UBP1: variants seen among roughly 807,000 people sequenced by gnomAD.
UBP1 encodes the protein upstream binding protein 1, also known as upstream-binding protein 1.
UBP1 carries 22 observed loss-of-function variants against 76.1 expected under a neutral mutation model. The ratio of observed to expected loss-of-function variants is 0.29; its 90% CI spans 0.21 to 0.41. The LOEUF (loss-of-function observed/expected upper bound fraction) is 0.41. Among genes scored for constraint, UBP1 ranks in the 10% least tolerant of loss-of-function variants. The probability of loss-of-function intolerance (pLI) is 1.00; values close to 1 mark genes in which losing one functional copy is unlikely to be tolerated. For missense variants in UBP1, 436 were observed against 668.1 expected (o/e 0.65, Z 3.83); for synonymous variants, 224 against 237.1 (o/e 0.94, Z 0.51).
chr3:33,393,352 C>G lies in UBP1; in HGVS notation c.1493G>C (p.Arg498Thr). Residue 498 changes from arginine (R) to threonine (T), a missense_variant, in exon 14 of 16, where the codon AGA becomes ACA. Arg to Thr is a moderately conservative substitution (Grantham distance 71). Transcript: ENST00000283629. ...AATGTGAATACCGGTGGGACCCTGTCTGTAAACCTGATTAATTTGGTGGAG... is the reference window on the plus strand; with the variant it reads ...AATGTGAATACCGGTGGGACCCTGTGTGTAAACCTGATTAATTTGGTGGAG... ...IPLHQINQVYRQGPTGIHILV... is the reference protein window; with the variant it reads ...IPLHQINQVYTQGPTGIHILV... The G allele has an allele frequency of 6.2e-7, 1 of 1,612,770 alleles. No individual in the cohort carries two copies. Among genetic ancestry groups the G allele is most frequent in the Non-Finnish European group, 8.5e-7 (1 of 1,179,446 alleles).
intron 8 of UBP1, among the ~76,000 whole-genome samples, chr3:33,408,175 A>G (rs1262950931): frequency 3.9e-5 from 6 of 152,048 alleles, no homozygotes; most frequent in Non-Finnish European, 8.8e-5. Context: ...ACAGACACAC[A>G]TTTTTATACT....
intron 11 of UBP1, chr3:33,398,419 C>T (rs1057005971): frequency 2.0e-5 from 3 of 152,258 alleles, no homozygotes; most frequent in South Asian, 2.1e-4. Context: ...GGGCTTACTA[C>T]ATGCACCTCA....
chr3:33,429,353 A>AC (rs796216204), intron 1 of UBP1, among the ~76,000 whole-genome samples: 1 of 145,464 alleles, frequency 6.9e-6, no homozygotes, highest in Non-Finnish European at 1.5e-5. Context: ...GTGTTTCTTT[A>AC]TTTTTTTTTT....
At chr3:33,420,776 C>G (rs925735874) in intron 2 of UBP1, among the ~76,000 whole-genome samples, 2 of 152,148 alleles carry the variant, frequency 1.3e-5, no homozygotes, top group African/African-American at 4.8e-5. Flanking sequence ...CGTGAGCCAC[C>G]ATGCCCAGCC....
At chr3:33,435,658 C>A (rs2045192644) in intron 1 of UBP1, among the ~76,000 whole-genome samples, 1 of 152,132 alleles carries the variant, frequency 6.6e-6, no homozygotes, top group Non-Finnish European at 1.5e-5. Context: ...TTTCATGCAC[C>A]TAACCTACTG....
At chr3:33,396,072 A>G (rs1223320233) in intron 13 of UBP1, 90 bp downstream of exon 13, 7 of 1,207,980 alleles carry the variant, frequency 5.8e-6, no homozygotes, top group Non-Finnish European at 8.0e-6. Context: ...TAACACAGCA[A>G]GAGTTCTCCA....
intron 1 of UBP1, among the ~76,000 whole-genome samples, chr3:33,437,522 C>A (rs989050474): frequency 6.6e-6 from 1 of 152,220 alleles, no homozygotes; most frequent in African/African-American, 2.4e-5. Context: ...AGAAATACCT[C>A]TTGTTTTAAG....
rs1405310119 is a variant in UBP1, at chr3:33,402,900, G to A, written c.932C>T (p.Ser311Phe). 1 of 1,606,782 alleles carries A rather than the reference G, an allele frequency of 6.2e-7. No individual in the cohort carries two copies. Among genetic ancestry groups the A allele is most frequent in the Admixed American group, 1.7e-5 (1 of 58,888 alleles). ...GGCTGTGGGGGCATCGGGCCACGGA[G>A]AACACTAAGGACAGAAACAGAAATA... The part of the protein sequence containing the change: ...GDSLAKRGSC[S>F]PWPDAPTAYV... Residue 311 changes from serine to phenylalanine, a missense_variant, in exon 9 of 16, where the codon TCT becomes TTT. Coordinates refer to ENST00000283629, the MANE Select transcript of UBP1 (RefSeq NM_014517.5).
chr3:33,411,268 A>G (rs186192128), intron 5 of UBP1, among the ~76,000 whole-genome samples: 2 of 152,252 alleles, frequency 1.3e-5, no homozygotes, highest in African/African-American at 2.4e-5. Context: ...TCTTTTTTCA[A>G]TCGTATCCTT....
chr3:33,401,039 G>A lies in UBP1; in HGVS notation c.1032-23C>T, dbSNP rs770087396. 1.9e-6 allele frequency: 3 copies of A among 1,578,876 alleles called. No individual in the cohort carries two copies. In the South Asian group the frequency reaches 3.5e-5, roughly 19 times the overall value. On this transcript the variant is annotated intron_variant, in intron 9 of 15. Coordinates refer to ENST00000283629, the MANE Select transcript of UBP1 (RefSeq NM_014517.5). ...TTGCTGGGGAGAAAGGAGAAAGAAG[G>A]AAATGATGATTTTTATAATACATAT...
At chr3:33,411,072 CAAAAAAAA>C (rs893694272) in intron 5 of UBP1, among the ~76,000 whole-genome samples, 1 of 65,556 alleles carries the variant, frequency 1.5e-5, no homozygotes, top group Admixed American at 1.6e-4. Flanking sequence ...AACTCCATCT[CAAAAAAAA>C]AAAAAAAAAA....
chr3:33,433,225 T>A lies in UBP1; in HGVS notation c.113+6511A>T, dbSNP rs912378635. Among the ~76,000 whole-genome samples, 4 of 151,252 alleles carry A rather than the reference T, an allele frequency of 2.6e-5. No homozygotes were observed. In the East Asian group the frequency reaches 8.0e-4, roughly 30 times the overall value. On this transcript the variant is annotated intron_variant, in intron 1 of 15. Coordinates refer to ENST00000283629, the MANE Select transcript of UBP1 (RefSeq NM_014517.5). ...ACAGGTACATGCCACCATGCCTGGC[T>A]GATTTTTGTATTCTTAGTAGAGACG...
At chr3:33,396,569 T>A (rs745410259) in intron 12 of UBP1, 4 of 419,154 alleles carry the variant, frequency 9.5e-6, no homozygotes, top group African/African-American at 2.0e-5. Flanking sequence ...TCAGTAAGAT[T>A]CAATTTTAAT....
intron 1 of UBP1, among the ~76,000 whole-genome samples, chr3:33,428,174 T>C (rs2045051763): frequency 2.0e-5 from 2 of 100,576 alleles, no homozygotes; most frequent in South Asian, 3.5e-4. Context: ...AGAGCGAGAT[T>C]CCATCTCAAA....
At position 33,400,264 on chromosome 3, in the gene UBP1, T is replaced by C. The variant is rs778346234; in HGVS notation, c.1105A>G (p.Thr369Ala). Residue 369 changes from threonine (T) to alanine (A), a missense_variant, in exon 11 of 16, where the codon ACG (threonine) becomes GCG (alanine). Thr to Ala is a moderately conservative substitution (Grantham distance 58). Coordinates refer to ENST00000283629, the MANE Select transcript of UBP1 (RefSeq NM_014517.5). Reference sequence around the variant, plus strand: ...AGCCATTGCTGTGTTTCCTGGATCGTAGCTGAAGGCTGAATTTGCTATTAA... The same window carrying C: ...AGCCATTGCTGTGTTTCCTGGATCGCAGCTGAAGGCTGAATTTGCTATTAA... ...TSGEQIQPSA[T>A]IQETQQWLLK... 3.1e-6 allele frequency: 5 copies of C among 1,601,344 alleles called. No individual in the cohort carries two copies. Among genetic ancestry groups the C allele is most frequent in the South Asian group, 2.3e-5 (2 of 87,766 alleles).
chr3:33,437,260 G>A lies in UBP1; in HGVS notation c.113+2476C>T, dbSNP rs547290212. Among the ~76,000 whole-genome samples the A allele has an allele frequency of 4.1e-3, 606 of 146,988 alleles. 3 individuals carry two copies. The highest frequency in any genetic ancestry group is 6.0e-3 in the Non-Finnish European group (401 of 66,740). ...CTGTTTTAAGAGAAAGGGGTGGGGG[G>A]AAACAACAAAAGAGAAGGGGGTCTC... is the stretch of plus-strand genomic sequence containing the variant. On this transcript the variant is annotated intron_variant, in intron 1 of 15. Transcript: ENST00000283629.
chr3:33,426,037 A>G (rs2045011111), intron 1 of UBP1, among the ~76,000 whole-genome samples: 1 of 85,690 alleles, frequency 1.2e-5, no homozygotes, highest in Non-Finnish European at 2.3e-5. Flanking sequence ...ATATATATAT[A>G]TAGCACTTTA....
At chr3:33,396,062 T>A in intron 13 of UBP1, 100 bp downstream of exon 13, 2 of 1,133,104 alleles carry the variant, frequency 1.8e-6, no homozygotes, top group East Asian at 5.1e-5. Flanking sequence ...TTGGCATTCC[T>A]AACACAGCAA....
chr3:33,403,486 CTCTA>C (rs149670278), intron 8 of UBP1: 27,878 of 98,342 alleles, frequency 0.28, 3,131 homozygotes, highest in East Asian at 0.55. Flanking sequence ...CTACATCTAT[CTCTA>C]TCTATCTATC....
Sources: gnomAD v4.1 joint callset for allele counts (sites outside exome capture counted in the v4.1 genomes callset) on GRCh38, gnomAD v4.1.1 for gene constraint, MANE v1.5 for transcripts, NCBI Gene and HGNC (gene_info 2026-07-23, HGNC 2026-07-21) for gene names.